The following DPAGT1 variants were observed in gnomAD, a reference collection of about 807,000 sequenced individuals.
DPAGT1 encodes dolichyl-phosphate N-acetylglucosaminephosphotransferase 1, also known as UDP-N-acetylglucosamine--dolichyl-phosphate N-acetylglucosaminephosphotransferase.
DPAGT1 carries 25 observed loss-of-function variants against 39.3 expected under a neutral mutation model. That is an observed-to-expected ratio of 0.64 (90% CI 0.46 to 0.89). The LOEUF (loss-of-function observed/expected upper bound fraction) is 0.89, where lower values mean the gene tolerates loss of function less well. Among genes scored for constraint, DPAGT1 ranks in the 40% least tolerant of loss-of-function variants. DPAGT1 has a pLI of 0.00. For synonymous variants in DPAGT1, 193 were observed against 201.4 expected (o/e 0.96, Z 0.36); for missense variants, 381 against 500.6 (o/e 0.76, Z 2.28).
rs1946403226 is a variant in DPAGT1, at chr11:119,096,899, G to A, written c.*99C>T. ...AAATCTGGAGGAGTATGAAGAGTGA[G>A]AGAGGCCTGGGCAAGGAGGCAGTCT... On this transcript the variant is annotated 3_prime_UTR_variant, in exon 9 of 9. Transcript: ENST00000354202. 1.0e-5 allele frequency: 14 copies of A among 1,361,984 alleles called. No homozygotes were observed. The highest frequency in any genetic ancestry group is 1.5e-5 in the Non-Finnish European group (14 of 965,090). The allele number at this position is 1,361,984 out of a possible 1,614,324, so 84.4% of individuals were successfully genotyped here. A position where few individuals can be genotyped will look rare whatever the true frequency, so the allele number is the denominator to read the frequency against.
chr11:119,095,085 C>T (rs752137831), downstream of DPAGT1: 1 of 1,613,958 alleles, frequency 6.2e-7, no homozygotes, highest in South Asian at 1.1e-5. Context: ...CCTCCCTGGG[C>T]GATCGTCACG....
chr11:119,101,344 G>A (rs895523807), intron 1 of DPAGT1, 151 bp downstream of exon 1: 1 of 1,495,660 alleles, frequency 6.7e-7, no homozygotes, highest in African/African-American at 1.4e-5. Context: ...CCCAATGCGA[G>A]TAAGTTCTGC....
downstream of DPAGT1, among the ~76,000 whole-genome samples, chr11:119,096,100 G>A (rs1348108879): frequency 6.6e-6 from 1 of 152,070 alleles, no homozygotes; most frequent in Non-Finnish European, 1.5e-5. Flanking sequence ...CTCGTAGCTG[G>A]TACTACAAGT....
chr11:119,099,988 C>G (rs1946468657), intron 4 of DPAGT1, among the ~76,000 whole-genome samples: 1 of 152,058 alleles, frequency 6.6e-6, no homozygotes, highest in Non-Finnish European at 1.5e-5. Flanking sequence ...CAGAATGACC[C>G]TGTGTAACGT....
chr11:119,094,676 C>T (rs1047161282), downstream of DPAGT1: 22 of 283,208 alleles, frequency 7.8e-5, no homozygotes, highest in Admixed American at 7.0e-4. Flanking sequence ...CCCCGAAGAG[C>T]GCCCAAGCCG....
At chr11:119,100,203 A>G (rs1249147689) in intron 4 of DPAGT1, 59 bp downstream of exon 4, 3 of 1,612,558 alleles carry the variant, frequency 1.9e-6, no homozygotes, top group South Asian at 1.1e-5. Flanking sequence ...CCAAAGTCAT[A>G]TATCAGGCCA....
downstream of DPAGT1, chr11:119,094,956 G>T (rs1358247907): frequency 6.3e-7 from 1 of 1,593,234 alleles, no homozygotes; most frequent in African/African-American, 1.4e-5. Context: ...CCGCGGCGCG[G>T]GCCCTCTTAG....
Position 119,101,698 on chromosome 11 carries a change from CG to C in DPAGT1, c.-44del. 6.2e-7 allele frequency: 1 copy of C among 1,613,912 alleles called. No individual in the cohort carries two copies. ...CCGGCTCCGCCGCCTCTTCAGGTAA[CG>C]GGCAAGCTGAGCAGCAGTCCTGAGG... On this transcript the variant is annotated 5_prime_UTR_variant, in exon 1 of 9. Coordinates refer to ENST00000354202, the MANE Select transcript of DPAGT1 (RefSeq NM_001382.4).
chr11:119,094,406 C>T (rs2134891044), downstream of DPAGT1: 1 of 152,378 alleles, frequency 6.6e-6, no homozygotes, highest in East Asian at 1.9e-4. Context: ...GGCTAAGCAC[C>T]ACGCCGGGGG....
chr11:119,094,117 C>A (rs1946352210), downstream of DPAGT1: 1 of 152,670 alleles, frequency 6.6e-6, no homozygotes, highest in Admixed American at 6.5e-5. Flanking sequence ...TCGGCTTCCG[C>A]GAAAACGACT....
At chr11:119,095,368 G>A (rs774953080), downstream of DPAGT1, 88 of 1,579,646 alleles carry the variant, frequency 5.6e-5, no homozygotes, top group African/African-American at 1.1e-3. Flanking sequence ...CGCGGGCCTT[G>A]CCGCCAGTCT....
At chr11:119,095,599 G>T, downstream of DPAGT1, 1 of 536,630 alleles carries the variant, frequency 1.9e-6, no homozygotes, top group East Asian at 3.2e-5. Context: ...CTCGGCTGAG[G>T]GAGCGCGCCC....
chr11:119,099,547 A>C (rs1299542821), intron 4 of DPAGT1, among the ~76,000 whole-genome samples: 2 of 151,974 alleles, frequency 1.3e-5, no homozygotes, highest in African/African-American at 2.4e-5. Flanking sequence ...TAATCCCAGC[A>C]CTTTGGGAGG....
rs1468246520 is a variant in DPAGT1 at position 119,101,238 on chromosome 11, C to T, written c.162-100G>A. ...TAACCCAAAGTGGTCTTCTCATTCC[C>T]GGTTTTTTATTCTGGTAAGTGGTGA... On this transcript the variant is annotated intron_variant, in intron 1 of 8. Coordinates refer to ENST00000354202, the MANE Select transcript of DPAGT1 (RefSeq NM_001382.4). 14 of 1,565,426 alleles carry T rather than the reference C, an allele frequency of 8.9e-6. No individual in the cohort carries two copies. In the East Asian group the frequency reaches 1.6e-4, roughly 18 times the overall value.
At chr11:119,101,335 C>A in intron 1 of DPAGT1, 160 bp downstream of exon 1, 1 of 1,465,240 alleles carries the variant, frequency 6.8e-7, no homozygotes, top group Non-Finnish European at 9.4e-7. Context: ...CATCCTTTCC[C>A]CAATGCGAGT....
At chr11:119,099,151 G>C (rs1218518855) in intron 4 of DPAGT1, among the ~76,000 whole-genome samples, 1 of 152,190 alleles carries the variant, frequency 6.6e-6, no homozygotes, top group East Asian at 1.9e-4. Context: ...ATGGCCGGGT[G>C]CGGTGACTCA....
chr11:119,098,457 A>C lies in DPAGT1; in HGVS notation c.674T>G (p.Leu225Arg). Residue 225 changes from leucine to arginine, a missense_variant, in exon 5 of 9, where the codon CTC becomes CGC. Physicochemically the swap from Leu to Arg is moderately radical, Grantham distance 102 (BLOSUM62 -2). Transcript: ENST00000354202. ...GAAAAAAAAGGGTATCATGAAGTAG[A>C]GGGAAAAGACATGATCATCCCGACA... ...GDCRDDHVFS[L>R]YFMIPFFFTT... 2 of 1,614,180 alleles carry C rather than the reference A, an allele frequency of 1.2e-6. No homozygotes were observed. Among genetic ancestry groups the C allele is most frequent in the Non-Finnish European group, 1.7e-6 (2 of 1,180,018 alleles).
At chr11:119,094,572 G>C (rs978844523), downstream of DPAGT1, 1 of 165,042 alleles carries the variant, frequency 6.1e-6, no homozygotes, top group Non-Finnish European at 1.3e-5. Flanking sequence ...TTAGCGACTC[G>C]GGATGGGGCG....
chr11:119,101,810 G>C lies in DPAGT1; in HGVS notation c.-155C>G. ...AAACCCAGCAACTCTGACTTGAGCC[G>C]CCGTCGGGACACCGGGGAACCTCTC... On this transcript the variant is annotated 5_prime_UTR_variant, in exon 1 of 9. Coordinates refer to ENST00000354202, the MANE Select transcript of DPAGT1 (RefSeq NM_001382.4). 6.6e-7 allele frequency: 1 copy of C among 1,514,616 alleles called. No homozygotes were observed. The highest frequency in any genetic ancestry group is 1.2e-5 in the South Asian group (1 of 81,440). The allele number at this position is 1,514,616 out of a possible 1,614,324, so 93.8% of individuals were successfully genotyped here.
Sources: allele counts gnomAD v4.1 joint callset (sites outside exome capture counted in the v4.1 genomes callset), GRCh38; gene constraint gnomAD v4.1.1; transcripts MANE v1.5; gene names NCBI Gene and HGNC (gene_info 2026-07-23, HGNC 2026-07-21).